Variants in GALNT13 observed in about 807,000 individuals in gnomAD.
GALNT13 encodes polypeptide N-acetylgalactosaminyltransferase 13.
In GALNT13, 28 loss-of-function variants were observed where a neutral mutation model predicts 64.2. The observed-to-expected ratio is 0.44, with a 90% confidence interval of 0.32 to 0.60. GALNT13 has a LOEUF of 0.60. Among genes scored for constraint, GALNT13 ranks in the 20% least tolerant of loss-of-function variants. The pLI is 0.05. For synonymous variants in GALNT13, 214 were observed against 224.6 expected (o/e 0.95, Z 0.42); for missense variants, 577 against 669.8 (o/e 0.86, Z 1.53).
chr2:153,890,792 G>C (rs1223388834), intron 1 of GALNT13, among the ~76,000 whole-genome samples: 1 of 151,976 alleles, frequency 6.6e-6, no homozygotes, highest in African/African-American at 2.4e-5. Flanking sequence ...GCCTCAGACT[G>C]CTTGACTGAC....
the GALNT13 span, among the ~76,000 whole-genome samples, chr2:153,213,296 T>G: frequency 6.6e-6 from 1 of 152,360 alleles, no homozygotes; most frequent in East Asian, 1.9e-4. Context: ...GTTTGTGTCA[T>G]AGCTGAAGAT....
intron 9 of GALNT13, among the ~76,000 whole-genome samples, chr2:154,317,900 C>G (rs549979244): frequency 1.3e-5 from 2 of 151,284 alleles, no homozygotes; most frequent in Admixed American, 6.6e-5. Flanking sequence ...GACATAGACT[C>G]TTATTCATCC....
chr2:154,145,980 G>T (rs1330161347), intron 4 of GALNT13, among the ~76,000 whole-genome samples: 3 of 151,830 alleles, frequency 2.0e-5, no homozygotes, highest in Admixed American at 6.6e-5. Flanking sequence ...ACATTTATAT[G>T]CTGGTAAAAA....
chr2:153,953,218 A>G (rs72993610), intron 3 of GALNT13, among the ~76,000 whole-genome samples: 8,501 of 152,248 alleles, frequency 0.056, 349 homozygotes, highest in East Asian at 0.13. Flanking sequence ...AACCTTAAAC[A>G]TATGACATAT....
downstream of GALNT13, among the ~76,000 whole-genome samples, chr2:154,456,462 G>T (rs960992766): frequency 1.3e-5 from 2 of 151,766 alleles, no homozygotes; most frequent in Admixed American, 1.3e-4. Flanking sequence ...AAAATAAATG[G>T]TTAACATTTC....
chr2:154,371,431 G>A (rs1278530311), intron 9 of GALNT13, among the ~76,000 whole-genome samples: 1 of 148,850 alleles, frequency 6.7e-6, no homozygotes, highest in East Asian at 2.0e-4. Flanking sequence ...CAGCAGAGGG[G>A]TGACCATGTG....
chr2:153,803,615 C>T, the GALNT13 span, among the ~76,000 whole-genome samples: 2 of 149,102 alleles, frequency 1.3e-5, no homozygotes, highest in Non-Finnish European at 3.0e-5. Context: ...CGGCGTGAAC[C>T]CTGGAGGCGG....
At chr2:154,119,604 CTTTATTCTTT>C (rs60355943) in intron 3 of GALNT13, among the ~76,000 whole-genome samples, 14,789 of 151,916 alleles carry the variant, frequency 0.097, 1,720 homozygotes, top group East Asian at 0.6. Context: ...AAGAGGCTTT[CTTTATTCTTT>C]TTTATTCTTT....
At chr2:153,258,659 A>G in the GALNT13 span, among the ~76,000 whole-genome samples, 2 of 150,972 alleles carry the variant, frequency 1.3e-5, no homozygotes, top group African/African-American at 4.9e-5. Flanking sequence ...TTTTTTTTCC[A>G]TTTTTTCATT....
At chr2:154,392,972 A>G (rs1318848272) in intron 9 of GALNT13, among the ~76,000 whole-genome samples, 1 of 152,196 alleles carries the variant, frequency 6.6e-6, no homozygotes, top group East Asian at 1.9e-4. Flanking sequence ...TATATGTGCG[A>G]GAGAAAGAAA....
At chr2:153,582,740 C>T in the GALNT13 span, among the ~76,000 whole-genome samples, 1 of 152,040 alleles carries the variant, frequency 6.6e-6, no homozygotes, top group African/African-American at 2.4e-5. Context: ...ATCTGTTATA[C>T]ATCTCTTTGA....
At chr2:154,360,662 G>A (rs960932887) in intron 9 of GALNT13, among the ~76,000 whole-genome samples, 3 of 152,154 alleles carry the variant, frequency 2.0e-5, no homozygotes, top group Non-Finnish European at 2.9e-5. Flanking sequence ...TGTCTCATAA[G>A]TCTATTGTCA....
the GALNT13 span, among the ~76,000 whole-genome samples, chr2:153,450,187 C>T: frequency 6.6e-6 from 1 of 152,136 alleles, no homozygotes; most frequent in South Asian, 2.1e-4. Flanking sequence ...GAAGCCTATT[C>T]TACCATCATT....
At chr2:154,401,615 A>T (rs1337312787) in intron 10 of GALNT13, among the ~76,000 whole-genome samples, 1 of 152,096 alleles carries the variant, frequency 6.6e-6, no homozygotes, top group Non-Finnish European at 1.5e-5. Flanking sequence ...TTTTAACTTC[A>T]TATTTCTAAT....
chr2:153,283,112 G>T, the GALNT13 span, among the ~76,000 whole-genome samples: 2 of 152,156 alleles, frequency 1.3e-5, no homozygotes, highest in African/African-American at 4.8e-5. Context: ...GGGCTCAGTG[G>T]TCTGAGCTCC....
intron 1 of GALNT13, among the ~76,000 whole-genome samples, chr2:153,876,202 T>TACACACACACACAC (rs56256669): frequency 6.3e-4 from 94 of 148,742 alleles, no homozygotes; most frequent in African/African-American, 2.0e-3. Flanking sequence ...CCCCCCACAC[T>TACACACACACACAC]ACACACACAC....
chr2:153,955,194 T>G (rs986953629), intron 3 of GALNT13, among the ~76,000 whole-genome samples: 1 of 152,146 alleles, frequency 6.6e-6, no homozygotes, highest in Non-Finnish European at 1.5e-5. Flanking sequence ...AAAGCAATAG[T>G]GAAACACCAG....
At chr2:153,365,164 G>A in the GALNT13 span, among the ~76,000 whole-genome samples, 1 of 152,164 alleles carries the variant, frequency 6.6e-6, no homozygotes, top group African/African-American at 2.4e-5. Context: ...TTTAATGAAT[G>A]GTGCTGGGAA....
the GALNT13 span, among the ~76,000 whole-genome samples, chr2:153,535,653 T>C: frequency 6.6e-6 from 1 of 152,232 alleles, no homozygotes; most frequent in African/African-American, 2.4e-5. Flanking sequence ...GTCTGACTTC[T>C]GAGAAGGGAA....
Sources: gnomAD v4.1 joint callset for allele counts (sites outside exome capture counted in the v4.1 genomes callset) on GRCh38, gnomAD v4.1.1 for gene constraint, MANE v1.5 for transcripts, NCBI Gene and HGNC (gene_info 2026-07-23, HGNC 2026-07-21) for gene names.